Variants in UNC5C observed in about 807,000 individuals in gnomAD.
UNC5C encodes the protein netrin receptor UNC5C.
Under a neutral mutation model 99.8 loss-of-function variants are expected in UNC5C, and 47 were observed. The ratio of observed to expected loss-of-function variants is 0.47; its 90% CI spans 0.37 to 0.60. The LOEUF (loss-of-function observed/expected upper bound fraction) is 0.60, where lower values mean the gene tolerates loss of function less well. Among genes scored for constraint, UNC5C ranks in the 20% least tolerant of loss-of-function variants. The pLI is 0.00. For synonymous variants in UNC5C, 487 were observed against 452.2 expected, an observed-to-expected ratio of 1.08 and a Z score of -0.98; for missense variants, 1,062 against 1,165.9, an observed-to-expected ratio of 0.91 and a Z score of 1.30.
chr4:95,265,251 T>G (rs1740399392), intron 4 of UNC5C, among the ~76,000 whole-genome samples: 1 of 152,134 alleles, frequency 6.6e-6, no homozygotes, highest in African/African-American at 2.4e-5. Context: ...TACTTCCAAT[T>G]ACTTTTTAGA....
In UNC5C at chr4:95,163,828, T is replaced by G. The variant is rs544121385; in HGVS notation, c.*5406A>C. 6.6e-6 allele frequency: 1 copy of G among 152,274 alleles called. No homozygotes were observed. Among genetic ancestry groups the G allele is most frequent in the South Asian group, 2.1e-4 (1 of 4,828 alleles). The allele number at this position is 152,274 out of a possible 1,614,324, so 9.4% of individuals were successfully genotyped here. ...TCCCAACCTGGGATTCCAGAAGATC[T>G]CTGGACAGGTCCCTTCAGTAGGCAA... On this transcript the variant is annotated 3_prime_UTR_variant, in exon 16 of 16. Transcript: ENST00000453304.
intron 7 of UNC5C, among the ~76,000 whole-genome samples, chr4:95,224,423 C>T (rs191213538): frequency 2.6e-4 from 39 of 152,316 alleles, no homozygotes; most frequent in African/African-American, 8.4e-4. Flanking sequence ...TTTTTTGTCC[C>T]TGCTTCCCAC....
intron 1 of UNC5C, among the ~76,000 whole-genome samples, chr4:95,507,627 G>T (rs900411219): frequency 4.0e-5 from 6 of 151,808 alleles, no homozygotes; most frequent in Non-Finnish European, 8.8e-5. Context: ...GAAAAAATTC[G>T]TAGCCTCCCC....
chr4:95,505,316 C>T (rs918347991), intron 1 of UNC5C, among the ~76,000 whole-genome samples: 2 of 152,008 alleles, frequency 1.3e-5, no homozygotes, highest in Non-Finnish European at 2.9e-5. Flanking sequence ...TCTTTATGAG[C>T]GAGCAGTCAT....
intron 1 of UNC5C, among the ~76,000 whole-genome samples, chr4:95,470,888 AAG>A (rs1747946491): frequency 6.6e-6 from 1 of 152,144 alleles, no homozygotes; most frequent in Non-Finnish European, 1.5e-5. Context: ...AAAAACAAAA[AAG>A]AAGTATGAAA....
chr4:95,375,359 AT>A (rs1382916308), intron 1 of UNC5C, among the ~76,000 whole-genome samples: 3 of 152,166 alleles, frequency 2.0e-5, no homozygotes, highest in Non-Finnish European at 4.4e-5. Context: ...AGAAAAATAC[AT>A]TATCCATACT....
At chr4:95,514,085 T>C (rs1722149504) in intron 1 of UNC5C, among the ~76,000 whole-genome samples, 1 of 152,182 alleles carries the variant, frequency 6.6e-6, no homozygotes. Flanking sequence ...GAATAACCAG[T>C]GTTGTCATTT....
At chr4:95,477,937 T>A (rs908709555) in intron 1 of UNC5C, among the ~76,000 whole-genome samples, 3 of 152,012 alleles carry the variant, frequency 2.0e-5, no homozygotes, top group African/African-American at 7.2e-5. Flanking sequence ...CAATTAATAG[T>A]ACCTACTTTA....
chr4:95,223,118 A>C lies in UNC5C; in HGVS notation c.1109-2942T>G, dbSNP rs934891427. The stretch of plus-strand genomic sequence containing the variant: ...TAATAATGCAATATGGATAATGATA[A>C]TAATGTGAAGTGGAATAAGATAGGG... On this transcript the variant is annotated intron_variant, in intron 7 of 15. Coordinates refer to ENST00000453304, the MANE Select transcript of UNC5C (RefSeq NM_003728.4). Among the ~76,000 whole-genome samples, 12 of 152,272 alleles carry C rather than the reference A, an allele frequency of 7.9e-5. 1 individual carries two copies. Among genetic ancestry groups the C allele is most frequent in the African/African-American group, 2.4e-4 (10 of 41,574 alleles).
intron 1 of UNC5C, among the ~76,000 whole-genome samples, chr4:95,443,066 G>A (rs1270983686): frequency 1.3e-5 from 2 of 152,130 alleles, no homozygotes; most frequent in Non-Finnish European, 2.9e-5. Flanking sequence ...ATTTTAGCCA[G>A]ACTGATTAAG....
Position 95,548,905 on chromosome 4 carries a change from G to T in UNC5C, c.-48C>A, listed in dbSNP as rs994684928. On this transcript the variant is annotated 5_prime_UTR_variant, in exon 1 of 16. Coordinates refer to ENST00000453304, the MANE Select transcript of UNC5C (RefSeq NM_003728.4). ...GGAGGGGAGGGGGACAGAGAGACGCGCAAACAGCTGAAAGCCCCACTGGGC... is the reference window on the plus strand; with the variant it reads ...GGAGGGGAGGGGGACAGAGAGACGCTCAAACAGCTGAAAGCCCCACTGGGC... The T allele has an allele frequency of 5.6e-6, 9 of 1,606,016 alleles. No individual in the cohort carries two copies. The highest frequency in any genetic ancestry group is 2.2e-5 in the South Asian group (2 of 90,440).
chr4:95,447,072 G>GT (rs1747127643), intron 1 of UNC5C, among the ~76,000 whole-genome samples: 1 of 152,166 alleles, frequency 6.6e-6, no homozygotes, highest in South Asian at 2.1e-4. Context: ...GAATCAAGAT[G>GT]TGTTCCTCTG....
At chr4:95,176,278 G>T (rs1428996403) in intron 14 of UNC5C, among the ~76,000 whole-genome samples, 2 of 152,186 alleles carry the variant, frequency 1.3e-5, no homozygotes, top group Non-Finnish European at 2.9e-5. Context: ...TTGTTCCATT[G>T]CTGGTGAGGA....
At chr4:95,316,467 C>T (rs868575138) in intron 2 of UNC5C, among the ~76,000 whole-genome samples, 2 of 152,058 alleles carry the variant, frequency 1.3e-5, no homozygotes, top group East Asian at 1.9e-4. Context: ...CGGAGCTGAC[C>T]GCAGGCACAC....
At chr4:95,183,194 G>A (rs78586123) in intron 13 of UNC5C, 133 bp from the exon 14 acceptor site, 11,892 of 840,442 alleles carry the variant, frequency 0.014, 106 homozygotes, top group Non-Finnish European at 0.016. Context: ...CTATGTTTAA[G>A]TACATCCTGG....
At chr4:95,320,487 A>G (rs367752922) in intron 2 of UNC5C, among the ~76,000 whole-genome samples, 6 of 152,084 alleles carry the variant, frequency 3.9e-5, no homozygotes, top group East Asian at 3.8e-4. Flanking sequence ...AACCCTTCAC[A>G]TACTTTAGCC....
chr4:95,184,955 A>C, intron 13 of UNC5C, 92 bp downstream of exon 13: 1 of 1,334,464 alleles, frequency 7.5e-7, no homozygotes, highest in South Asian at 2.1e-5. Flanking sequence ...CATATGATTA[A>C]TTTCAAGGAA....
At chr4:95,482,128 C>G (rs1721176144) in intron 1 of UNC5C, among the ~76,000 whole-genome samples, 1 of 152,070 alleles carries the variant, frequency 6.6e-6, no homozygotes, top group South Asian at 2.1e-4. Context: ...GGGCTAATAT[C>G]CAGAATCTAC....
chr4:95,546,449 A>G (rs542370070), intron 1 of UNC5C, among the ~76,000 whole-genome samples: 1 of 152,338 alleles, frequency 6.6e-6, no homozygotes, highest in South Asian at 2.1e-4. Context: ...TTGATAACTA[A>G]CAGACAACAC....
Sources: gnomAD v4.1 joint callset for allele counts (sites outside exome capture counted in the v4.1 genomes callset) on GRCh38, gnomAD v4.1.1 for gene constraint, MANE v1.5 for transcripts, NCBI Gene and HGNC (gene_info 2026-07-23, HGNC 2026-07-21) for gene names.